The following LTV1 variants were observed in gnomAD, a reference collection of about 807,000 sequenced individuals.
LTV1 encodes LTV1 ribosome biogenesis factor, also known as protein LTV1 homolog.
In LTV1, 39 loss-of-function variants were observed where a neutral mutation model predicts 59.9. The observed-to-expected ratio is 0.65, with a 90% CI of 0.50 to 0.85. The LOEUF (loss-of-function observed/expected upper bound fraction) is 0.85. LTV1 is among the 40% of genes least tolerant of loss of function. The pLI is 0.00. For missense variants in LTV1, 493 were observed against 549.1 expected, an observed-to-expected ratio of 0.90 and a Z score of 1.02; for synonymous variants, 171 against 189.5, an observed-to-expected ratio of 0.90 and a Z score of 0.80.
intron 3 of LTV1, among the ~76,000 whole-genome samples, chr6:143,848,605 A>G (rs546743721): frequency 6.6e-6 from 1 of 152,218 alleles, no homozygotes; most frequent in Admixed American, 6.5e-5. Context: ...GCACAGAGAT[A>G]AATAACACAT....
intron 3 of LTV1, among the ~76,000 whole-genome samples, chr6:143,847,392 G>T (rs1776911311): frequency 6.6e-6 from 1 of 152,178 alleles, no homozygotes; most frequent in African/African-American, 2.4e-5. Context: ...ACGGAGTTTT[G>T]CTCCTGTTGC....
At chr6:143,849,330 A>G (rs1776944559) in intron 3 of LTV1, among the ~76,000 whole-genome samples, 1 of 152,222 alleles carries the variant, frequency 6.6e-6, no homozygotes, top group Non-Finnish European at 1.5e-5. Context: ...TGCCATTACT[A>G]GAGATTAGGA....
At chr6:143,847,620 C>G (rs1021236110) in intron 3 of LTV1, among the ~76,000 whole-genome samples, 2 of 152,214 alleles carry the variant, frequency 1.3e-5, no homozygotes, top group Admixed American at 1.3e-4. Context: ...CTCGGCCTCC[C>G]AAAGTGCTGG....
In LTV1 at chr6:143,862,997, T is replaced by C. The variant is rs17073138; in HGVS notation, c.1117-89T>C. On this transcript the variant is annotated intron_variant, in intron 9 of 10. Coordinates refer to ENST00000367576, the MANE Select transcript of LTV1 (RefSeq NM_032860.5). This position sits in a 1 kb window ranked among gnomAD's most constrained non-coding sequence, Gnocchi z 4.2. The stretch of plus-strand genomic sequence containing the variant: ...TTTTATCTTTATGGCTAGAGTGATA[T>C]TAGAAAAAGCATCAACAGTATGTCA... 0.051 allele frequency: 73,804 copies of C among 1,449,608 alleles called. 2,269 individuals carry two copies. Among genetic ancestry groups the C allele is most frequent in the South Asian group, 0.093 (8,078 of 86,808 alleles). 89.8% of individuals were successfully genotyped at this position (1,449,608 alleles called of 1,614,324 possible). A position where few individuals can be genotyped will look rare whatever the true frequency, so the allele number is the denominator to read the frequency against.
intron 7 of LTV1, 49 bp downstream of exon 7, chr6:143,860,602 G>GA: frequency 1.3e-6 from 2 of 1,507,868 alleles, no homozygotes; most frequent in Admixed American, 2.2e-5. Flanking sequence ...TTTTAAAAAA[G>GA]AAAAAATTCC....
In LTV1 at chr6:143,857,675, AT is replaced by A. The variant is rs1435942629; in HGVS notation, c.540-73del. ...AGAACCCTTCCTGAAATACCTTCCA[AT>A]TTTACTTGTGTAAAGTGGTTTTGTT... On this transcript the variant is annotated intron_variant, in intron 5 of 10. Coordinates refer to ENST00000367576, the MANE Select transcript of LTV1 (RefSeq NM_032860.5). The surrounding 1 kb of genome is among the most constrained non-coding windows in gnomAD (Gnocchi z 5.2). 8 of 1,515,078 alleles carry A rather than the reference AT, an allele frequency of 5.3e-6. No homozygotes were observed. In the Admixed American group the frequency reaches 1.4e-4, roughly 26 times the overall value. 93.9% of individuals were successfully genotyped at this position (1,515,078 alleles called of 1,614,324 possible). A position where few individuals can be genotyped will look rare whatever the true frequency, so the allele number is the denominator to read the frequency against.
At chr6:143,860,328 TTGTGTA>T in intron 6 of LTV1, 92 bp from the exon 7 acceptor site, 2 of 947,764 alleles carry the variant, frequency 2.1e-6, no homozygotes, top group Non-Finnish European at 3.1e-6. Context: ...TGAATAACTA[TTGTGTA>T]AGAATAAAGT....
At chr6:143,846,418 G>A (rs1323099378) in intron 3 of LTV1, among the ~76,000 whole-genome samples, 194 bp downstream of exon 3, 1 of 152,216 alleles carries the variant, frequency 6.6e-6, no homozygotes, top group Non-Finnish European at 1.5e-5. Flanking sequence ...CTGGTGGCAG[G>A]TGTCAACAGT....
At chr6:143,860,634 C>A in intron 7 of LTV1, 81 bp downstream of exon 7, 15 of 1,215,476 alleles carry the variant, frequency 1.2e-5, no homozygotes, top group Middle Eastern at 2.1e-4. Context: ...TATAGTATAA[C>A]TGAATTGAGG....
In LTV1 at chr6:143,855,731, AGT is replaced by A. The variant is rs1777064392; in HGVS notation, c.398-1571_398-1570del. Among the ~76,000 whole-genome samples, 1 of 152,168 alleles carries A rather than the reference AGT, an allele frequency of 6.6e-6. No homozygotes were observed. The highest frequency in any genetic ancestry group is 1.5e-5 in the Non-Finnish European group (1 of 68,028). On this transcript the variant is annotated intron_variant, in intron 4 of 10. Transcript: ENST00000367576. This position sits in a 1 kb window ranked among gnomAD's most constrained non-coding sequence, Gnocchi z 4.6. ...TAATTTGGCTGGATATGAGATTCTA[AGT>A]TGAAAATTCTTTACTTTAAGGATGT...
At position 143,857,757 on chromosome 6, in the gene LTV1, CTG is replaced by C; in HGVS notation, c.546_547del (p.Asn184Ter). 6.2e-7 allele frequency: 1 copy of C among 1,613,902 alleles called. No individual in the cohort carries two copies. Among genetic ancestry groups the C allele is most frequent in the South Asian group, 1.1e-5 (1 of 91,064 alleles). ...ATTTATGACCTTTACTTTAGGAAATCTGAGAATGAAGATGACAGCGAGTGGGA... is the reference window on the plus strand; with the variant it reads ...ATTTATGACCTTTACTTTAGGAAATCAGAATGAAGATGACAGCGAGTGGGA... On this transcript the variant is annotated frameshift_variant, in exon 6 of 11. Transcript: ENST00000367576. LOFTEE classifies it high-confidence loss of function. The surrounding 1 kb of genome is among the most constrained non-coding windows in gnomAD (Gnocchi z 5.2).
In LTV1 at chr6:143,845,193, T is replaced by C. The variant is rs565850136; in HGVS notation, c.135+576T>C. 1.7e-3 allele frequency among the ~76,000 whole-genome samples: 255 copies of C among 152,238 alleles called. 1 individual carries two copies. Among genetic ancestry groups the C allele is most frequent in the African/African-American group, 5.9e-3 (247 of 41,542 alleles). On this transcript the variant is annotated intron_variant, in intron 2 of 10. Transcript: ENST00000367576. ...ACTTTGCAAGGGAGCCTGGTAAAGA[T>C]TGACTTAATGTTAGACTCTACTTAT...
chr6:143,847,653 G>A (rs183673191), intron 3 of LTV1, among the ~76,000 whole-genome samples: 4 of 152,296 alleles, frequency 2.6e-5, no homozygotes, highest in Non-Finnish European at 4.4e-5. Context: ...GAGCCACCGC[G>A]CCCGGTCGTA....
intron 6 of LTV1, 85 bp from the exon 7 acceptor site, chr6:143,860,339 TAA>T: frequency 8.8e-7 from 1 of 1,135,310 alleles, no homozygotes; most frequent in Non-Finnish European, 1.3e-6. Flanking sequence ...TGTGTAAGAA[TAA>T]AGTTAATGTA....
chr6:143,862,298 T>C lies in LTV1; in HGVS notation c.1063+55T>C, dbSNP rs1007337653. On this transcript the variant is annotated intron_variant, in intron 8 of 10. Transcript: ENST00000367576. The surrounding 1 kb of genome is among the most constrained non-coding windows in gnomAD (Gnocchi z 4.2). ...TTAAAGTATTAAAGTATATCAACTTTAGGCTGGGTGCGGTGCCTCACGCCT... is the reference window on the plus strand; with the variant it reads ...TTAAAGTATTAAAGTATATCAACTTCAGGCTGGGTGCGGTGCCTCACGCCT... 2 of 1,537,922 alleles carry C rather than the reference T, an allele frequency of 1.3e-6. No homozygotes were observed. The highest frequency in any genetic ancestry group is 1.4e-5 in the African/African-American group (1 of 72,580).
In LTV1 at chr6:143,846,140, A is replaced by C. The variant is rs767373273; in HGVS notation, c.225A>C (p.Pro75=). 5 of 1,613,894 alleles carry C rather than the reference A, an allele frequency of 3.1e-6. No homozygotes were observed. The South Asian group carries it at 4.4e-5, about 14-fold the overall frequency. ...ACTACCTGCAGCACCTGAAGGAACC[A>C]TCTGGGCCTTCAGAGCTTATTCCCT... ...DYDYLQHLKE[P]SGPSELIPSS... Residue 75 remains proline, a synonymous_variant, in exon 3 of 11, where the codon CCA becomes CCC. Transcript: ENST00000367576.
At chr6:143,849,803 G>T (rs1776951238) in intron 3 of LTV1, among the ~76,000 whole-genome samples, 1 of 152,306 alleles carries the variant, frequency 6.6e-6, no homozygotes, top group South Asian at 2.1e-4. Flanking sequence ...TGGGGGCTTA[G>T]AGGGAGAGGC....
At position 143,862,385 on chromosome 6, in the gene LTV1, G is replaced by C. The variant is rs1334761982; in HGVS notation, c.1063+142G>C. ...GGGTCACCTGATGTCAGGAGTTCAAGACCAGCCTGGCCAACATGGTGAAAC... is the reference window on the plus strand; with the variant it reads ...GGGTCACCTGATGTCAGGAGTTCAACACCAGCCTGGCCAACATGGTGAAAC... On this transcript the variant is annotated intron_variant, in intron 8 of 10. Coordinates refer to ENST00000367576, the MANE Select transcript of LTV1 (RefSeq NM_032860.5). This position sits in a 1 kb window ranked among gnomAD's most constrained non-coding sequence, Gnocchi z 4.2. 6 of 634,650 alleles carry C rather than the reference G, an allele frequency of 9.5e-6. No homozygotes were observed. In the Admixed American group the frequency reaches 1.9e-4, roughly 20 times the overall value. The allele number at this position is 634,650 out of a possible 1,614,324, so 39.3% of individuals were successfully genotyped here. A position where few individuals can be genotyped will look rare whatever the true frequency, so the allele number is the denominator to read the frequency against.
intron 4 of LTV1, among the ~76,000 whole-genome samples, chr6:143,853,435 C>G (rs1777018726): frequency 6.6e-6 from 1 of 152,184 alleles, no homozygotes; most frequent in African/African-American, 2.4e-5. Context: ...TTGACTTCCT[C>G]TCTTCCTATT....
Sources: gnomAD v4.1 joint callset for allele counts (sites outside exome capture counted in the v4.1 genomes callset) on GRCh38, gnomAD v4.1.1 for gene constraint, Gnocchi (gnomAD v3.1) non-coding constraint, MANE v1.5 for transcripts, NCBI Gene and HGNC (gene_info 2026-07-23, HGNC 2026-07-21) for gene names.